Variants in USH2A observed in about 807,000 individuals in gnomAD.
USH2A encodes usherin, also known as Usher syndrome 2A (autosomal recessive, mild).
A neutral mutation model predicts 538.9 loss-of-function variants in USH2A; 443 were observed. That is an observed-to-expected ratio of 0.82 (90% CI 0.76 to 0.89). USH2A has a LOEUF of 0.89. USH2A is among the 40% of genes least tolerant of loss of function. The pLI is 0.00. For missense variants in USH2A, 6,633 were observed against 6,324.8 expected, an observed-to-expected ratio of 1.05 and a Z score of -1.65; for synonymous variants, 2,413 against 2,273.5, an observed-to-expected ratio of 1.06 and a Z score of -1.75.
intron 35 of USH2A, among the ~76,000 whole-genome samples, chr1:215,984,808 G>A (rs1336083704): frequency 6.6e-6 from 1 of 152,208 alleles, no homozygotes; most frequent in Non-Finnish European, 1.5e-5. Context: ...TTCCAGTGCA[G>A]CATGGCAATA....
chr1:216,031,159 GGTATTCTCCTACAGTTTACTAAATTTCCT>G (rs1669112594), intron 32 of USH2A, among the ~76,000 whole-genome samples: 1 of 151,788 alleles, frequency 6.6e-6, no homozygotes, highest in Admixed American at 6.6e-5. Flanking sequence ...TGTTAATAAT[GGTATTCTCCTACAGTTTACTAAATTTCCT>G]AAATCAGATA....
chr1:215,815,964 C>G (rs1215225847), intron 48 of USH2A, among the ~76,000 whole-genome samples: 1 of 151,936 alleles, frequency 6.6e-6, no homozygotes, highest in Non-Finnish European at 1.5e-5. Flanking sequence ...ATTCGTATGC[C>G]TATACAACTA....
intron 36 of USH2A, among the ~76,000 whole-genome samples, chr1:215,967,712 T>C (rs17025797): frequency 0.021 from 3,189 of 150,876 alleles, 66 homozygotes; most frequent in South Asian, 0.082. Context: ...CATTAAGATT[T>C]AGATGTCTTA....
intron 61 of USH2A, among the ~76,000 whole-genome samples, chr1:215,713,777 T>C (rs1349118812): frequency 6.6e-6 from 1 of 152,254 alleles, no homozygotes; most frequent in Non-Finnish European, 1.5e-5. Flanking sequence ...CTTTGTCCTA[T>C]TGAACTATAA....
At chr1:216,371,419 T>C (rs1365957571) in intron 3 of USH2A, among the ~76,000 whole-genome samples, 1 of 152,220 alleles carries the variant, frequency 6.6e-6, no homozygotes, top group Non-Finnish European at 1.5e-5. Context: ...GTCACCTTAA[T>C]ACAATTCAAA....
At chr1:216,292,471 G>A (rs999991261) in intron 9 of USH2A, 101 bp from the exon 10 acceptor site, 2 of 1,254,478 alleles carry the variant, frequency 1.6e-6, no homozygotes, top group East Asian at 2.6e-5. Flanking sequence ...GCACATATCA[G>A]TGAGTTAAAA....
intron 44 of USH2A, among the ~76,000 whole-genome samples, chr1:215,864,089 C>T (rs913333242): frequency 2.6e-5 from 4 of 152,202 alleles, no homozygotes; most frequent in African/African-American, 9.6e-5. Context: ...CTCCACTGTA[C>T]TCCCTTTGGT....
At chr1:216,226,230 A>G (rs538835770) in intron 14 of USH2A, among the ~76,000 whole-genome samples, 1 of 152,336 alleles carries the variant, frequency 6.6e-6, no homozygotes, top group African/African-American at 2.4e-5. Flanking sequence ...TTCCATGTGG[A>G]TATAAAATGA....
chr1:215,870,388 G>A (rs1288421233), intron 43 of USH2A, among the ~76,000 whole-genome samples: 1 of 151,180 alleles, frequency 6.6e-6, no homozygotes, highest in African/African-American at 2.4e-5. Flanking sequence ...TCCGCCTCCC[G>A]GGTTCACGCC....
At chr1:216,011,477 G>C (rs1327179360) in intron 32 of USH2A, among the ~76,000 whole-genome samples, 2 of 152,078 alleles carry the variant, frequency 1.3e-5, no homozygotes, top group Non-Finnish European at 2.9e-5. Context: ...GATCGTGTCT[G>C]ATTAATCTCC....
intron 32 of USH2A, among the ~76,000 whole-genome samples, chr1:216,034,806 C>T (rs1669209814): frequency 6.6e-6 from 1 of 152,282 alleles, no homozygotes; most frequent in Non-Finnish European, 1.5e-5. Context: ...AATGGGCCTA[C>T]TGATACCTTC....
chr1:216,035,829 C>A (rs748331143), intron 32 of USH2A, among the ~76,000 whole-genome samples: 3 of 151,920 alleles, frequency 2.0e-5, no homozygotes, highest in Non-Finnish European at 2.9e-5. Flanking sequence ...TTGTTGGATG[C>A]CAGTTGGGTC....
intron 60 of USH2A, among the ~76,000 whole-genome samples, chr1:215,733,421 T>C (rs1660064724): frequency 6.6e-6 from 1 of 152,136 alleles, no homozygotes; most frequent in South Asian, 2.1e-4. Flanking sequence ...ACTATATTAT[T>C]CCACCACTGG....
intron 44 of USH2A, among the ~76,000 whole-genome samples, chr1:215,859,736 A>T (rs1664267295): frequency 6.6e-6 from 1 of 152,182 alleles, no homozygotes; most frequent in Non-Finnish European, 1.5e-5. Flanking sequence ...ATACAGCTAC[A>T]CTGAGAATTA....
intron 42 of USH2A, 142 bp from the exon 43 acceptor site, chr1:215,878,022 T>A: frequency 8.0e-7 from 1 of 1,245,844 alleles, no homozygotes; most frequent in Non-Finnish European, 1.1e-6. Flanking sequence ...AGTTACGTGG[T>A]TTTGTTTCAG....
rs779572631 is a variant in USH2A at position 215,838,092 on chromosome 1, G to T, written c.9270C>A (p.Cys3090Ter). ...TGCTTTTCACGCAGGCATATATTGT[G>T]CAGACTTCAACCTGCAAACATTAGT... ...FTIYDIQVEVCTIYACVKSNG... is the reference protein window; with the variant it reads ...FTIYDIQVEV The change falls in exon 47 of 72, where the codon TGC becomes TGA. Residue 3090 changes from cysteine to a stop codon, truncating the protein, a stop_gained. Coordinates refer to ENST00000307340, the MANE Select transcript of USH2A (RefSeq NM_206933.4). LOFTEE classifies it high-confidence loss of function. 2 of 1,613,764 alleles carry T rather than the reference G, an allele frequency of 1.2e-6. No individual in the cohort carries two copies. The highest frequency in any genetic ancestry group is 1.7e-6 in the Non-Finnish European group (2 of 1,179,742).
At chr1:215,871,463 A>G (rs2102444736) in intron 43 of USH2A, among the ~76,000 whole-genome samples, 1 of 152,342 alleles carries the variant, frequency 6.6e-6, no homozygotes, top group African/African-American at 2.4e-5. Flanking sequence ...TTTTTAGGTT[A>G]GTGAGATAAA....
intron 20 of USH2A, among the ~76,000 whole-genome samples, chr1:216,178,719 C>T (rs531911170): frequency 9.2e-5 from 14 of 152,130 alleles, no homozygotes; most frequent in East Asian, 1.9e-4. Context: ...AGAACTTTCT[C>T]CAATGAAGGA....
intron 30 of USH2A, among the ~76,000 whole-genome samples, chr1:216,050,565 T>TCCC (rs2030721084): frequency 5.7e-5 from 2 of 35,324 alleles, no homozygotes; most frequent in African/African-American, 1.7e-4. Context: ...TATCTTTTTC[T>TCCC]TTCTTTCTTT....
Sources: gnomAD v4.1 joint callset for allele counts (sites outside exome capture counted in the v4.1 genomes callset) on GRCh38, gnomAD v4.1.1 for gene constraint, MANE v1.5 for transcripts, NCBI Gene and HGNC (gene_info 2026-07-23, HGNC 2026-07-21) for gene names.